Variants in FRMD4B observed in about 807,000 individuals in gnomAD.
The protein encoded by FRMD4B is FERM domain containing 4B, also known as FERM domain-containing protein 4B.
FRMD4B carries 74 observed loss-of-function variants against 141.5 expected under a neutral mutation model. The observed-to-expected ratio is 0.52, with a 90% CI of 0.43 to 0.63. The LOEUF is 0.63. Ranked by LOEUF, FRMD4B falls within the 30% of genes least tolerant of loss-of-function variation. The pLI, the probability that FRMD4B is intolerant of heterozygous loss-of-function variation, is 0.00. For missense variants in FRMD4B, 1,366 were observed against 1,253.4 expected, an observed-to-expected ratio of 1.09 and a Z score of -1.36; for synonymous variants, 506 against 467.9, an observed-to-expected ratio of 1.08 and a Z score of -1.05.
intron 1 of FRMD4B, among the ~76,000 whole-genome samples, chr3:69,540,051 G>T (rs1469069862): frequency 6.6e-6 from 1 of 152,104 alleles, no homozygotes; most frequent in Non-Finnish European, 1.5e-5. Flanking sequence ...AAATTAGCCG[G>T]GCTTGGTGGC....
chr3:69,188,960 G>A (rs2092803667), intron 18 of FRMD4B, among the ~76,000 whole-genome samples: 2 of 151,802 alleles, frequency 1.3e-5, no homozygotes, highest in South Asian at 4.1e-4. Flanking sequence ...GGTGGCTCAC[G>A]CCTGTAATCC....
chr3:69,189,420 C>T (rs1447680568), intron 18 of FRMD4B, among the ~76,000 whole-genome samples: 2 of 151,954 alleles, frequency 1.3e-5, no homozygotes, highest in Non-Finnish European at 2.9e-5. Flanking sequence ...CATTGTAAAA[C>T]ATACAATGAT....
intron 1 of FRMD4B, among the ~76,000 whole-genome samples, chr3:69,382,523 T>A (rs1452868418): frequency 6.6e-6 from 1 of 152,240 alleles, no homozygotes; most frequent in Non-Finnish European, 1.5e-5. Context: ...TCTGTTTATA[T>A]ATTGCATGTA....
chr3:69,425,970 T>C (rs975648740), intron 2 of FRMD4B, among the ~76,000 whole-genome samples: 1 of 152,250 alleles, frequency 6.6e-6, no homozygotes, highest in African/African-American at 2.4e-5. Flanking sequence ...ATAATTAGTT[T>C]CAAAGTCTAC....
intron 1 of FRMD4B, among the ~76,000 whole-genome samples, chr3:69,527,103 G>GTC (rs970362245): frequency 1.3e-5 from 2 of 151,968 alleles, no homozygotes; most frequent in African/African-American, 4.8e-5. Context: ...TGGGGCATGG[G>GTC]TCTCTCTCTC....
intron 7 of FRMD4B, among the ~76,000 whole-genome samples, chr3:69,236,820 A>G (rs539301960): frequency 3.9e-5 from 6 of 152,360 alleles, no homozygotes; most frequent in Non-Finnish European, 7.3e-5. Context: ...ACTTTCATTC[A>G]CAGTCAATCA....
chr3:69,466,251 T>C (rs1705784963), intron 1 of FRMD4B, among the ~76,000 whole-genome samples: 1 of 152,214 alleles, frequency 6.6e-6, no homozygotes, highest in Non-Finnish European at 1.5e-5. Context: ...TGTTTTTTTC[T>C]TGTAAATTTG....
intron 1 of FRMD4B, among the ~76,000 whole-genome samples, chr3:69,519,354 T>C (rs935040167): frequency 3.3e-5 from 5 of 152,056 alleles, no homozygotes; most frequent in African/African-American, 9.7e-5. Flanking sequence ...GTCTGGTATA[T>C]CTAAGGATCC....
intron 1 of FRMD4B, among the ~76,000 whole-genome samples, chr3:69,375,720 T>G (rs1406032355): frequency 6.6e-6 from 1 of 152,240 alleles, no homozygotes; most frequent in Non-Finnish European, 1.5e-5. Context: ...TCAGCTAGCA[T>G]GCTATTCAAA....
At chr3:69,218,212 T>C (rs1575621147) in intron 10 of FRMD4B, 110 bp downstream of exon 10, 1 of 632,318 alleles carries the variant, frequency 1.6e-6, no homozygotes, top group East Asian at 3.1e-5. Context: ...TACTTTATAA[T>C]TTGCTACAAA....
intron 1 of FRMD4B, among the ~76,000 whole-genome samples, chr3:69,523,949 C>T (rs1027257501): frequency 6.6e-6 from 1 of 152,228 alleles, no homozygotes; most frequent in Non-Finnish European, 1.5e-5. Flanking sequence ...AGACTGTCCA[C>T]TTGATCATCA....
chr3:69,233,900 G>T (rs1306715643), intron 7 of FRMD4B, among the ~76,000 whole-genome samples: 1 of 152,114 alleles, frequency 6.6e-6, no homozygotes, highest in Non-Finnish European at 1.5e-5. Context: ...ACCCATCAAG[G>T]TTCTGAACTA....
chr3:69,274,097 A>G (rs1454480735), intron 5 of FRMD4B, among the ~76,000 whole-genome samples: 2 of 152,014 alleles, frequency 1.3e-5, no homozygotes, highest in African/African-American at 2.4e-5. Flanking sequence ...GGGAAGGAGG[A>G]GTTATTTCAG....
Position 69,169,353 on chromosome 3 carries a change from C to CTTCCTTTTTTTTTTTTTTTTTTTTTTTTT in FRMD4B, c.*2507_*2508insAAAAAAAAAAAAAAAAAAAAAAAAAGGAA, listed in dbSNP as rs1553691418. On this transcript the variant is annotated 3_prime_UTR_variant, in exon 23 of 23. Transcript: ENST00000398540. ...AGGATTGCTGAACTTCCATTTCTTT[C>CTTCCTTTTTTTTTTTTTTTTTTTTTTTTT]TTTTTTTTTTTTTTTTTTTTTTCTT... Among the ~76,000 whole-genome samples, 1 of 29,288 alleles carries CTTCCTTTTTTTTTTTTTTTTTTTTTTTTT rather than the reference C, an allele frequency of 3.4e-5. No homozygotes were observed. The highest frequency in any genetic ancestry group is 6.4e-5 in the African/African-American group (1 of 15,668). The allele number at this position is 29,288 out of a possible 152,430, so 19.2% of individuals were successfully genotyped here. A position where few individuals can be genotyped will look rare whatever the true frequency, so the allele number is the denominator to read the frequency against.
At chr3:69,453,675 G>T (rs1342162991) in intron 1 of FRMD4B, among the ~76,000 whole-genome samples, 1 of 152,212 alleles carries the variant, frequency 6.6e-6, no homozygotes, top group Non-Finnish European at 1.5e-5. Context: ...TGGGCACATG[G>T]CCTGGCTGGG....
At chr3:69,352,871 C>T (rs1214293346) in intron 1 of FRMD4B, among the ~76,000 whole-genome samples, 1 of 152,164 alleles carries the variant, frequency 6.6e-6, no homozygotes, top group African/African-American at 2.4e-5. Context: ...CAGGGACCCA[C>T]ATCAAAGGAT....
At chr3:69,470,798 TG>T in intron 1 of FRMD4B, among the ~76,000 whole-genome samples, 1 of 151,644 alleles carries the variant, frequency 6.6e-6, no homozygotes, top group East Asian at 1.9e-4. Flanking sequence ...CTGTTTTATT[TG>T]GGCATGACAA....
chr3:69,187,751 T>C lies in FRMD4B; in HGVS notation c.1919+19A>G. 1.2e-6 allele frequency: 2 copies of C among 1,600,602 alleles called. No homozygotes were observed. Among genetic ancestry groups the C allele is most frequent in the South Asian group, 1.1e-5 (1 of 88,142 alleles). ...CCTAGCTGTGGGGCATTAACCTTAC[T>C]GATGATATGACCTCTCACCTGGACT... On this transcript the variant is annotated intron_variant, in intron 19 of 22. Coordinates refer to ENST00000398540, the MANE Select transcript of FRMD4B (RefSeq NM_015123.3).
intron 1 of FRMD4B, chr3:69,432,863 C>T (rs1168482819): frequency 6.6e-6 from 1 of 152,160 alleles, no homozygotes; most frequent in Non-Finnish European, 1.5e-5. Context: ...TAATTTTCCC[C>T]TGGCTGACTA....
Sources: gnomAD v4.1 joint callset for allele counts (sites outside exome capture counted in the v4.1 genomes callset) on GRCh38, gnomAD v4.1.1 for gene constraint, MANE v1.5 for transcripts, NCBI Gene and HGNC (gene_info 2026-07-23, HGNC 2026-07-21) for gene names.